Variants in ENOX1 observed in about 807,000 individuals in gnomAD.
ENOX1 encodes ecto-NOX disulfide-thiol exchanger 1.
In ENOX1, 42 loss-of-function variants were observed where a neutral mutation model predicts 82.5. That is an observed-to-expected ratio of 0.51 (90% CI 0.40 to 0.66). The LOEUF (loss-of-function observed/expected upper bound fraction) is 0.66, where lower values mean the gene tolerates loss of function less well. Among genes scored for constraint, ENOX1 ranks in the 30% least tolerant of loss-of-function variants. The pLI is 0.00. For missense variants in ENOX1, 608 were observed against 811.6 expected (o/e 0.75, Z 3.05); for synonymous variants, 271 against 282.2 (o/e 0.96, Z 0.40).
At chr13:43,549,775 C>T (rs140158491) in intron 2 of ENOX1, among the ~76,000 whole-genome samples, 3 of 152,156 alleles carry the variant, frequency 2.0e-5, no homozygotes, top group Admixed American at 6.5e-5. Context: ...CCTAAAAGAA[C>T]CCAGTTCCAA....
At chr13:43,359,389 C>T (rs150297117) in intron 7 of ENOX1, among the ~76,000 whole-genome samples, 15 of 152,304 alleles carry the variant, frequency 9.8e-5, no homozygotes, top group East Asian at 5.8e-4. Flanking sequence ...GAACCACCAA[C>T]GAGGCAATGA....
chr13:43,488,122 G>A (rs982730926), intron 2 of ENOX1, among the ~76,000 whole-genome samples: 1 of 152,154 alleles, frequency 6.6e-6, no homozygotes, highest in Non-Finnish European at 1.5e-5. Flanking sequence ...TACCCTCCCT[G>A]TTTCCTAGCC....
chr13:43,263,198 C>T (rs1293607479), intron 14 of ENOX1, among the ~76,000 whole-genome samples: 1 of 152,188 alleles, frequency 6.6e-6, no homozygotes, highest in Non-Finnish European at 1.5e-5. Flanking sequence ...AATCCACCAC[C>T]TGGGAAACCC....
chr13:43,237,866 T>C (rs578065644), intron 14 of ENOX1, among the ~76,000 whole-genome samples: 36 of 152,200 alleles, frequency 2.4e-4, no homozygotes, highest in Non-Finnish European at 2.8e-4. Context: ...ATTTAACTTA[T>C]GAGCTACCAC....
At chr13:43,773,301 T>G (rs1429516858) in intron 1 of ENOX1, among the ~76,000 whole-genome samples, 1 of 152,220 alleles carries the variant, frequency 6.6e-6, no homozygotes, top group Non-Finnish European at 1.5e-5. Flanking sequence ...TGCCACTGAA[T>G]TGTTCACTTT....
At chr13:43,602,021 T>C (rs2081745397) in intron 2 of ENOX1, among the ~76,000 whole-genome samples, 1 of 151,972 alleles carries the variant, frequency 6.6e-6, no homozygotes, top group South Asian at 2.1e-4. Flanking sequence ...AATTAGACAA[T>C]AAGCTCCTAA....
At chr13:43,332,072 C>T (rs1295381572) in intron 9 of ENOX1, among the ~76,000 whole-genome samples, 1 of 152,086 alleles carries the variant, frequency 6.6e-6, no homozygotes, top group Non-Finnish European at 1.5e-5. Flanking sequence ...CCATTACAGC[C>T]CACTTAAAAC....
chr13:43,561,336 G>A lies in ENOX1; in HGVS notation c.-218-77184C>T, dbSNP rs560263611. On this transcript the variant is annotated intron_variant, in intron 2 of 16. Coordinates refer to ENST00000690772, the MANE Select transcript of ENOX1 (RefSeq NM_001347969.2). ...CAGATAGAGAGGCAGAGTATACCCC[G>A]GAGCTGAGCTGCAAGGTACAAATCC... Among the ~76,000 whole-genome samples the A allele has an allele frequency of 9.9e-5, 15 of 152,150 alleles. No individual in the cohort carries two copies. In the East Asian group the frequency reaches 1.7e-3, roughly 18 times the overall value.
intron 2 of ENOX1, among the ~76,000 whole-genome samples, chr13:43,638,855 A>G (rs973903934): frequency 6.6e-6 from 1 of 152,252 alleles, no homozygotes; most frequent in Non-Finnish European, 1.5e-5. Flanking sequence ...ATGGCATTAC[A>G]TGATTAATTT....
At chr13:43,536,883 A>G (rs1405539194) in intron 2 of ENOX1, among the ~76,000 whole-genome samples, 4 of 152,222 alleles carry the variant, frequency 2.6e-5, no homozygotes, top group African/African-American at 9.6e-5. Flanking sequence ...ATACATATGG[A>G]GGATATAAGG....
At chr13:43,292,742 C>T (rs2046070288) in intron 12 of ENOX1, among the ~76,000 whole-genome samples, 1 of 152,056 alleles carries the variant, frequency 6.6e-6, no homozygotes, top group Non-Finnish European at 1.5e-5. Flanking sequence ...ACCATAGCCA[C>T]CAACACAGCC....
intron 2 of ENOX1, among the ~76,000 whole-genome samples, chr13:43,633,998 CTTACTA>C (rs147812514): frequency 0.049 from 7,462 of 152,166 alleles, 262 homozygotes; most frequent in Non-Finnish European, 0.074. Flanking sequence ...GCAACACCTA[CTTACTA>C]TTAATATCAC....
intron 3 of ENOX1, among the ~76,000 whole-genome samples, chr13:43,451,956 G>A (rs1304281219): frequency 2.0e-5 from 3 of 152,166 alleles, no homozygotes; most frequent in African/African-American, 7.2e-5. Flanking sequence ...GGGGAGAGCA[G>A]ACAAAACGTT....
At chr13:43,350,450 T>C (rs1292446248) in intron 8 of ENOX1, among the ~76,000 whole-genome samples, 1 of 152,180 alleles carries the variant, frequency 6.6e-6, no homozygotes. Context: ...AAGTGTTTTT[T>C]GTTTTTGTTT....
chr13:43,766,037 A>C (rs1173701044), intron 1 of ENOX1, among the ~76,000 whole-genome samples: 1 of 152,190 alleles, frequency 6.6e-6, no homozygotes, highest in Non-Finnish European at 1.5e-5. Flanking sequence ...AAGAATCATT[A>C]GTCATTTTAT....
intron 16 of ENOX1, among the ~76,000 whole-genome samples, chr13:43,220,691 G>A (rs1327059447): frequency 6.6e-6 from 1 of 152,148 alleles, no homozygotes; most frequent in Non-Finnish European, 1.5e-5. Context: ...GTCAAGTGGG[G>A]AGTATTGTTA....
intron 15 of ENOX1, among the ~76,000 whole-genome samples, chr13:43,224,730 T>C (rs973951367): frequency 3.3e-5 from 5 of 152,248 alleles, no homozygotes; most frequent in Non-Finnish European, 7.3e-5. Flanking sequence ...GCTGCTGTAA[T>C]TTACAAGATC....
At chr13:43,283,934 C>T (rs933320806) in intron 12 of ENOX1, among the ~76,000 whole-genome samples, 28 of 151,940 alleles carry the variant, frequency 1.8e-4, no homozygotes, top group African/African-American at 6.8e-4. Context: ...CTTTTTGAAG[C>T]TGTAAAAATG....
chr13:43,533,115 C>A (rs573672667), intron 2 of ENOX1, among the ~76,000 whole-genome samples: 13 of 152,176 alleles, frequency 8.5e-5, no homozygotes, highest in Admixed American at 8.5e-4. Context: ...ACATACATTT[C>A]TTGAAAACGA....
Sources: gnomAD v4.1 joint callset for allele counts (sites outside exome capture counted in the v4.1 genomes callset) on GRCh38, gnomAD v4.1.1 for gene constraint, MANE v1.5 for transcripts, NCBI Gene and HGNC (gene_info 2026-07-23, HGNC 2026-07-21) for gene names.